The following C6orf163 variants were observed in gnomAD, a reference collection of about 807,000 sequenced individuals.
C6orf163 encodes the protein chromosome 6 open reading frame 163, also known as uncharacterized protein C6orf163.
In C6orf163, 22 loss-of-function variants were observed where a neutral mutation model predicts 28.4. The observed-to-expected ratio is 0.78, with a 90% confidence interval of 0.55 to 1.11. The LOEUF (loss-of-function observed/expected upper bound fraction) is 1.11. C6orf163 is among the 50% of genes least tolerant of loss of function. The pLI, the probability that C6orf163 is intolerant of heterozygous loss-of-function variation, is 0.00. For missense variants in C6orf163, 342 were observed against 389.1 expected (o/e 0.88, Z 1.02); for synonymous variants, 110 against 123.6 (o/e 0.89, Z 0.73).
At chr6:87,356,075 T>C (rs113497256) in intron 3 of C6orf163, 8 of 489,340 alleles carry the variant, frequency 1.6e-5, no homozygotes, top group Non-Finnish European at 2.9e-5. Flanking sequence ...TCCCTTTCAA[T>C]ATTATCTACG....
intron 1 of C6orf163, 97 bp downstream of exon 1, chr6:87,345,344 G>A (rs1777306703): frequency 8.1e-7 from 1 of 1,241,342 alleles, no homozygotes; most frequent in Non-Finnish European, 1.1e-6. Context: ...TTTCTCTTCA[G>A]AGTTGCTTGT....
At chr6:87,345,273 G>A in intron 1 of C6orf163, 26 bp downstream of exon 1, 1 of 1,501,240 alleles carries the variant, frequency 6.7e-7, no homozygotes, top group Non-Finnish European at 8.8e-7. Flanking sequence ...GTTTTCCTTT[G>A]TTCTAATGCT....
At chr6:87,350,619 T>G in intron 3 of C6orf163, 118 bp downstream of exon 3, 6 of 616,688 alleles carry the variant, frequency 9.7e-6, no homozygotes, top group Non-Finnish European at 1.7e-5. Flanking sequence ...TCATGGCCAT[T>G]AGCTGGGATC....
Position 87,365,219 on chromosome 6 carries a change from G to T in C6orf163, c.813G>T (p.Met271Ile). The change falls in exon 5 of 5, where the codon ATG becomes ATT. Residue 271 changes from methionine to isoleucine, a missense_variant. Transcript: ENST00000388923. ...LLSIAKQLGI[M>I]TNWKDFLEEE... is the part of the protein sequence containing the mutation. ...CTATAGCAAAACAACTGGGAATCATGACAAATTGGAAAGATTTCCTAGAGG... is the reference window on the plus strand; with the variant it reads ...CTATAGCAAAACAACTGGGAATCATTACAAATTGGAAAGATTTCCTAGAGG... 1 of 1,551,740 alleles carries T rather than the reference G, an allele frequency of 6.4e-7. No individual in the cohort carries two copies. Among genetic ancestry groups the T allele is most frequent in the South Asian group, 1.2e-5 (1 of 84,050 alleles).
chr6:87,348,190 G>A (rs1228704835), intron 1 of C6orf163: 2 of 983,318 alleles, frequency 2.0e-6, no homozygotes, highest in East Asian at 1.1e-4. Flanking sequence ...AAAAGACCTG[G>A]CTGTCTGATA....
In C6orf163 at chr6:87,350,402, A is replaced by T; in HGVS notation, c.252A>T (p.Glu84Asp). ...AEAEVWAQAN[E>D]RQKQAVEKAL... ...GACTCTTTCTTTCAAAGGCTAATGA[A>T]CGTCAAAAACAAGCAGTGGAGAAAG... The change falls in exon 3 of 5, where the codon GAA becomes GAT. Residue 84 changes from glutamate (E) to aspartate (D), a missense_variant. By Grantham distance (45) the Glu-to-Asp change is conservative. Coordinates refer to ENST00000388923, the MANE Select transcript of C6orf163 (RefSeq NM_001010868.3). 1.3e-6 allele frequency: 2 copies of T among 1,529,080 alleles called. No homozygotes were observed. Among genetic ancestry groups the T allele is most frequent in the South Asian group, 2.4e-5 (2 of 82,776 alleles). The allele number at this position is 1,529,080 out of a possible 1,614,324, so 94.7% of individuals were successfully genotyped here.
At chr6:87,352,446 T>G (rs1244637954) in intron 3 of C6orf163, among the ~76,000 whole-genome samples, 1 of 152,226 alleles carries the variant, frequency 6.6e-6, no homozygotes, top group East Asian at 1.9e-4. Context: ...TATTAAATTT[T>G]GATGTGTCAA....
intron 4 of C6orf163, among the ~76,000 whole-genome samples, chr6:87,364,290 A>AC (rs1341917300): frequency 6.6e-6 from 1 of 151,844 alleles, no homozygotes; most frequent in Admixed American, 6.6e-5. Context: ...CTCAAAAAAA[A>AC]AGTTAAATTA....
intron 1 of C6orf163, 126 bp from the exon 2 acceptor site, chr6:87,348,686 A>G (rs1777365899): frequency 7.0e-7 from 1 of 1,432,770 alleles, no homozygotes; most frequent in Non-Finnish European, 9.1e-7. Flanking sequence ...TTTGAAATAT[A>G]TATACTGGCA....
chr6:87,345,835 T>G lies in C6orf163; in HGVS notation c.148+588T>G, dbSNP rs1038560363. Among the ~76,000 whole-genome samples, 5 of 143,676 alleles carry G rather than the reference T, an allele frequency of 3.5e-5. No individual in the cohort carries two copies. In the South Asian group the frequency reaches 8.8e-4, roughly 25 times the overall value. The allele number at this position is 143,676 out of a possible 152,430, so 94.3% of individuals were successfully genotyped here. ...GGGAGGCTGAGGTAAGAAAATTGCT[T>G]GAACCCAGGAGGTGGAGGTTGCAGT... On this transcript the variant is annotated intron_variant, in intron 1 of 4. Transcript: ENST00000388923.
intron 4 of C6orf163, chr6:87,357,958 C>A (rs1379823082): frequency 1.3e-5 from 2 of 152,168 alleles, no homozygotes; most frequent in African/African-American, 4.8e-5. Context: ...TCCCAAGTGC[C>A]TGGAAGAAAG....
intron 1 of C6orf163, chr6:87,347,867 A>G (rs1777351157): frequency 5.1e-6 from 5 of 985,398 alleles, no homozygotes; most frequent in Non-Finnish European, 6.0e-6. Context: ...TAGAAATCCC[A>G]GAGGAAGACC....
Position 87,356,813 on chromosome 6 carries a change from ACT to A in C6orf163, c.554+315_554+316del, listed in dbSNP as rs553632284. Reference sequence around the variant, plus strand: ...TCTTGTCCCTGCTTGAAAGATAGCTACTCTCTAAATATGGTATTTTTCATTCT... The same window carrying A: ...TCTTGTCCCTGCTTGAAAGATAGCTACTCTAAATATGGTATTTTTCATTCT... On this transcript the variant is annotated intron_variant, in intron 4 of 4. Coordinates refer to ENST00000388923, the MANE Select transcript of C6orf163 (RefSeq NM_001010868.3). 18 of 269,730 alleles carry A rather than the reference ACT, an allele frequency of 6.7e-5. No individual in the cohort carries two copies. The South Asian group carries it at 7.8e-4, about 12-fold the overall frequency. 16.7% of individuals were successfully genotyped at this position (269,730 alleles called of 1,614,324 possible).
At chr6:87,349,998 G>A (rs1274708310) in intron 2 of C6orf163, among the ~76,000 whole-genome samples, 1 of 152,218 alleles carries the variant, frequency 6.6e-6, no homozygotes, top group East Asian at 1.9e-4. Context: ...TCTTTACTCA[G>A]CTCCTTCTAG....
chr6:87,364,834 C>G (rs556184094), intron 4 of C6orf163, 127 bp from the exon 5 acceptor site: 1 of 682,816 alleles, frequency 1.5e-6, no homozygotes, highest in Non-Finnish European at 2.4e-6. Flanking sequence ...AAAGCTCATC[C>G]GTATCAGCCT....
At chr6:87,356,731 G>T in intron 4 of C6orf163, 1 of 460,164 alleles carries the variant, frequency 2.2e-6, no homozygotes, top group Non-Finnish European at 3.9e-6. Flanking sequence ...CAGCTTAAGG[G>T]ATTGAAAATT....
chr6:87,345,162 A>C lies in C6orf163; in HGVS notation c.63A>C (p.Pro21=), dbSNP rs774101358. 32 of 1,536,530 alleles carry C rather than the reference A, an allele frequency of 2.1e-5. No homozygotes were observed. The highest frequency in any genetic ancestry group is 4.4e-6 in the Non-Finnish European group (5 of 1,146,714). Residue 21 remains proline, a synonymous_variant, in exon 1 of 5, where the codon CCA becomes CCC. Coordinates refer to ENST00000388923, the MANE Select transcript of C6orf163 (RefSeq NM_001010868.3). ...VCCAVCNKII[P]PAPFGKTFKR... is the part of the protein sequence containing the mutation. Reference sequence around the variant, plus strand: ...GTGCTGTTTGTAATAAAATAATTCCACCAGCCCCTTTTGGAAAAACCTTCA... The same window carrying C: ...GTGCTGTTTGTAATAAAATAATTCCCCCAGCCCCTTTTGGAAAAACCTTCA...
In C6orf163 at chr6:87,345,123, A is replaced by ATCTG; in HGVS notation, c.24_25insTCTG (p.Asn9SerfsTer10). On this transcript the variant is annotated frameshift_variant, in exon 1 of 5. Transcript: ENST00000388923. LOFTEE classifies it high-confidence loss of function. ...CTATGATCAGAAATTCAGATTACAA[A>ATCTG]AACTTTGTTTGCTGTGCTGTTTGTA... is the stretch of plus-strand genomic sequence containing the variant. The ATCTG allele has an allele frequency of 1.3e-6, 2 of 1,530,798 alleles. No individual in the cohort carries two copies. The highest frequency in any genetic ancestry group is 1.7e-6 in the Non-Finnish European group (2 of 1,145,150). 94.8% of individuals were successfully genotyped at this position (1,530,798 alleles called of 1,614,324 possible).
At chr6:87,349,046 AC>A in intron 2 of C6orf163, 140 bp downstream of exon 2, 1 of 1,051,798 alleles carries the variant, frequency 9.5e-7, no homozygotes, top group Admixed American at 3.1e-5. Flanking sequence ...AAGTTCTACA[AC>A]CTCTGTAGTC....
Sources: gnomAD v4.1 joint callset for allele counts (sites outside exome capture counted in the v4.1 genomes callset) on GRCh38, gnomAD v4.1.1 for gene constraint, MANE v1.5 for transcripts, NCBI Gene and HGNC (gene_info 2026-07-23, HGNC 2026-07-21) for gene names.